ARHGAP31: variants seen among roughly 807,000 people sequenced by gnomAD.
ARHGAP31 encodes the protein Rho GTPase activating protein 31, also known as rho GTPase-activating protein 31.
A neutral mutation model predicts 113.9 loss-of-function variants in ARHGAP31; 34 were observed. The ratio of observed to expected loss-of-function variants is 0.30; its 90% CI spans 0.23 to 0.40. ARHGAP31 has a LOEUF of 0.40. Ranked by LOEUF, ARHGAP31 falls within the 10% of genes least tolerant of loss-of-function variation. ARHGAP31 has a pLI of 1.00. For synonymous variants in ARHGAP31, 650 were observed against 684.8 expected, an observed-to-expected ratio of 0.95 and a Z score of 0.79; for missense variants, 1,548 against 1,767.1, an observed-to-expected ratio of 0.88 and a Z score of 2.22.
intron 1 of ARHGAP31, among the ~76,000 whole-genome samples, chr3:119,344,611 A>T (rs1170640423): frequency 6.6e-6 from 1 of 152,196 alleles, no homozygotes; most frequent in Non-Finnish European, 1.5e-5. Flanking sequence ...CAAGCACTTC[A>T]TAGATTATTT....
intron 2 of ARHGAP31, among the ~76,000 whole-genome samples, chr3:119,365,685 G>A (rs910786168): frequency 3.3e-5 from 5 of 152,202 alleles, no homozygotes; most frequent in Admixed American, 1.3e-4. Flanking sequence ...CTTCTTTGGT[G>A]AATTTGATTT....
chr3:119,333,365 C>G (rs1411002220), intron 1 of ARHGAP31, among the ~76,000 whole-genome samples: 1 of 152,220 alleles, frequency 6.6e-6, no homozygotes, highest in Non-Finnish European at 1.5e-5. Flanking sequence ...GCAGCTCCCA[C>G]TAGCATATTA....
intron 1 of ARHGAP31, among the ~76,000 whole-genome samples, chr3:119,336,098 C>G (rs758702167): frequency 7.2e-5 from 11 of 152,172 alleles, no homozygotes; most frequent in Non-Finnish European, 1.2e-4. Flanking sequence ...TCGCTTGAAC[C>G]TGGGAGGCGG....
chr3:119,394,950 A>C (rs1051699663), intron 8 of ARHGAP31, among the ~76,000 whole-genome samples: 1 of 152,224 alleles, frequency 6.6e-6, no homozygotes, highest in South Asian at 2.1e-4. Context: ...TTCAAGGATG[A>C]AGCAGCAAAA....
intron 1 of ARHGAP31, among the ~76,000 whole-genome samples, chr3:119,356,639 A>AG (rs1346715900): frequency 1.3e-5 from 2 of 152,130 alleles, no homozygotes; most frequent in East Asian, 1.9e-4. Context: ...TCAAAAAAAA[A>AG]AAGAAAAAAA....
chr3:119,409,083 T>C (rs978274672), intron 10 of ARHGAP31, among the ~76,000 whole-genome samples: 36 of 152,274 alleles, frequency 2.4e-4, no homozygotes, highest in African/African-American at 8.4e-4. Flanking sequence ...GATAAGTCTT[T>C]GTTGTGGGGC....
chr3:119,301,345 T>C (rs1576983252), intron 1 of ARHGAP31, among the ~76,000 whole-genome samples: 2 of 152,196 alleles, frequency 1.3e-5, no homozygotes, highest in African/African-American at 4.8e-5. Flanking sequence ...AAGAACAGTC[T>C]GCGGGGTGAG....
chr3:119,302,386 G>T (rs2079592275), intron 1 of ARHGAP31, among the ~76,000 whole-genome samples: 1 of 152,022 alleles, frequency 6.6e-6, no homozygotes, highest in African/African-American at 2.4e-5. Flanking sequence ...ATTTTTTTTT[G>T]TAAGAGCAGA....
chr3:119,363,107 G>A (rs1044180907), intron 1 of ARHGAP31, among the ~76,000 whole-genome samples: 2 of 152,052 alleles, frequency 1.3e-5, no homozygotes, highest in East Asian at 3.9e-4. Flanking sequence ...TTTGGTATCC[G>A]AATCTGCACT....
At position 119,420,582 on chromosome 3, in the gene ARHGAP31, T is replaced by C. The variant is rs901706464; in HGVS notation, c.*4318T>C. 5 of 152,208 alleles carry C rather than the reference T, an allele frequency of 3.3e-5. No individual in the cohort carries two copies. The highest frequency in any genetic ancestry group is 4.8e-5 in the African/African-American group (2 of 41,442). The allele number at this position is 152,208 out of a possible 1,614,324, so 9.4% of individuals were successfully genotyped here. Reference sequence around the variant, plus strand: ...CTTTTCTGTGAGGGTAAGGGGGACGTAGCTAAATATAAGAAGCTTACAAGG... The same window carrying C: ...CTTTTCTGTGAGGGTAAGGGGGACGCAGCTAAATATAAGAAGCTTACAAGG... On this transcript the variant is annotated 3_prime_UTR_variant, in exon 12 of 12. Coordinates refer to ENST00000264245, the MANE Select transcript of ARHGAP31 (RefSeq NM_020754.4).
chr3:119,382,285 A>C lies in ARHGAP31; in HGVS notation c.432-7A>C. ...TTCTTACTTTGTCAAAAAACAAACC[A>C]TTCTAGGACCTTGGAATACCTGATT... On this transcript the variant is annotated splice_region_variant and splice_polypyrimidine_tract_variant and intron_variant, in intron 4 of 11. Coordinates refer to ENST00000264245, the MANE Select transcript of ARHGAP31 (RefSeq NM_020754.4). 2 of 1,613,964 alleles carry C rather than the reference A, an allele frequency of 1.2e-6. No individual in the cohort carries two copies. The highest frequency in any genetic ancestry group is 1.7e-6 in the Non-Finnish European group (2 of 1,179,816).
In ARHGAP31 at chr3:119,321,719, G is replaced by C. The variant is rs571632570; in HGVS notation, c.100+26715G>C. 2.0e-5 allele frequency among the ~76,000 whole-genome samples: 3 copies of C among 152,294 alleles called. No homozygotes were observed. The South Asian group carries it at 6.2e-4, about 32-fold the overall frequency. ...GCCAGAGTGCAGTGTCACGATCTCAGCTCATTGAAGCCTCTACCTCTCGGG... is the reference window on the plus strand; with the variant it reads ...GCCAGAGTGCAGTGTCACGATCTCACCTCATTGAAGCCTCTACCTCTCGGG... On this transcript the variant is annotated intron_variant, in intron 1 of 11. Transcript: ENST00000264245.
At chr3:119,412,159 C>T (rs1467945477) in intron 11 of ARHGAP31, among the ~76,000 whole-genome samples, 10 of 152,062 alleles carry the variant, frequency 6.6e-5, no homozygotes, top group East Asian at 3.9e-4. Context: ...GAGGTTGAGG[C>T]GGGCGGATCA....
intron 3 of ARHGAP31, among the ~76,000 whole-genome samples, chr3:119,376,412 C>T (rs1328524177): frequency 6.6e-6 from 1 of 152,188 alleles, no homozygotes; most frequent in African/African-American, 2.4e-5. Flanking sequence ...TTGCTTGAAC[C>T]TGGAAGGTGG....
In ARHGAP31 at chr3:119,343,463, GGA is replaced by G. The variant is rs1292838396; in HGVS notation, c.101-21852_101-21851del. Among the ~76,000 whole-genome samples, 12 of 152,316 alleles carry G rather than the reference GGA, an allele frequency of 7.9e-5. No homozygotes were observed. The East Asian group carries it at 2.3e-3, about 29-fold the overall frequency. On this transcript the variant is annotated intron_variant, in intron 1 of 11. Transcript: ENST00000264245. ...TGCCTGGCCCACAGTAAATGTTTGA[GGA>G]AAAGGGAGGAGCCAGGGGAGGTGGT...
intron 4 of ARHGAP31, among the ~76,000 whole-genome samples, chr3:119,382,042 T>A (rs562808520): frequency 2.5e-4 from 37 of 150,842 alleles, no homozygotes; most frequent in Non-Finnish European, 4.0e-4. Context: ...GATTCTCTAG[T>A]TCTGTCTCTG....
rs577340434 is a variant in ARHGAP31 at position 119,396,713 on chromosome 3, T to A, written c.1007-2486T>A. 1.8e-4 allele frequency among the ~76,000 whole-genome samples: 27 copies of A among 152,302 alleles called. No homozygotes were observed. The South Asian group carries it at 5.6e-3, about 32-fold the overall frequency. On this transcript the variant is annotated intron_variant, in intron 8 of 11. Transcript: ENST00000264245. ...TGTAAATATATGCTTTAAAATTCCA[T>A]AAATAAAGACATTTAAAAAATTAAT...
chr3:119,309,383 G>A (rs1213212998), intron 1 of ARHGAP31, among the ~76,000 whole-genome samples: 1 of 152,134 alleles, frequency 6.6e-6, no homozygotes, highest in Non-Finnish European at 1.5e-5. Context: ...GGCTCCCATC[G>A]ATTGAGAACT....
intron 10 of ARHGAP31, among the ~76,000 whole-genome samples, chr3:119,404,753 T>C (rs1212773052): frequency 2.0e-5 from 3 of 152,212 alleles, no homozygotes; most frequent in African/African-American, 7.2e-5. Flanking sequence ...GTAGTGCATT[T>C]TAACTAAAGT....
Sources: allele counts gnomAD v4.1 joint callset (sites outside exome capture counted in the v4.1 genomes callset), GRCh38; gene constraint gnomAD v4.1.1; transcripts MANE v1.5; gene names NCBI Gene and HGNC (gene_info 2026-07-23, HGNC 2026-07-21).